The following CNTN5 variants were observed in gnomAD, a reference collection of about 807,000 sequenced individuals.
CNTN5 encodes the protein contactin 5.
A neutral mutation model predicts 129.1 loss-of-function variants in CNTN5; 77 were observed. The observed-to-expected ratio is 0.60, with a 90% CI of 0.50 to 0.72. The LOEUF (loss-of-function observed/expected upper bound fraction) is 0.72. Ranked by LOEUF, CNTN5 falls within the 30% of genes least tolerant of loss-of-function variation. The pLI is 0.00. For missense variants in CNTN5, 1,478 were observed against 1,328.8 expected, an observed-to-expected ratio of 1.11 and a Z score of -1.75; for synonymous variants, 509 against 465.6, an observed-to-expected ratio of 1.09 and a Z score of -1.20.
At chr11:100,099,681 T>G (rs1591242258) in intron 13 of CNTN5, among the ~76,000 whole-genome samples, 1 of 152,164 alleles carries the variant, frequency 6.6e-6, no homozygotes, top group Non-Finnish European at 1.5e-5. Context: ...TTTTTTCTAT[T>G]AATATCATTC....
At chr11:99,233,795 A>G (rs1861128913) in intron 1 of CNTN5, among the ~76,000 whole-genome samples, 1 of 152,004 alleles carries the variant, frequency 6.6e-6, no homozygotes. Flanking sequence ...AAATACAAAA[A>G]ATTAGTCGGG....
intron 16 of CNTN5, among the ~76,000 whole-genome samples, chr11:100,242,292 T>C (rs1949758221): frequency 6.6e-6 from 1 of 152,206 alleles, no homozygotes; most frequent in Non-Finnish European, 1.5e-5. Flanking sequence ...CCCTATCAAA[T>C]GTTGCCTACC....
At chr11:99,242,884 A>C (rs1861631628) in intron 1 of CNTN5, among the ~76,000 whole-genome samples, 2 of 152,098 alleles carry the variant, frequency 1.3e-5, no homozygotes, top group Non-Finnish European at 2.9e-5. Flanking sequence ...CCAACTTACT[A>C]TAAGTGGGCA....
At chr11:99,812,204 T>C (rs1946449016) in intron 3 of CNTN5, among the ~76,000 whole-genome samples, 2 of 152,166 alleles carry the variant, frequency 1.3e-5, no homozygotes, top group Non-Finnish European at 2.9e-5. Flanking sequence ...TCTGTAGATA[T>C]ATAGAGTCTA....
intron 3 of CNTN5, among the ~76,000 whole-genome samples, chr11:99,639,647 C>T (rs761939748): frequency 7.2e-6 from 1 of 138,210 alleles, no homozygotes; most frequent in Non-Finnish European, 1.5e-5. Flanking sequence ...TCACTGAGGC[C>T]TCTGCCTCCT....
intron 1 of CNTN5, among the ~76,000 whole-genome samples, chr11:99,058,951 A>G (rs1864751424): frequency 6.7e-6 from 1 of 148,660 alleles, no homozygotes; most frequent in Non-Finnish European, 1.5e-5. Context: ...TACATTATAT[A>G]TAGTTATAAT....
At chr11:99,930,021 T>A (rs1277999267) in intron 7 of CNTN5, among the ~76,000 whole-genome samples, 3 of 152,190 alleles carry the variant, frequency 2.0e-5, no homozygotes, top group Non-Finnish European at 4.4e-5. Context: ...AGACTTATTA[T>A]TTCCTGCTTT....
intron 16 of CNTN5, among the ~76,000 whole-genome samples, chr11:100,227,213 T>G (rs1949395399): frequency 1.3e-5 from 2 of 152,148 alleles, no homozygotes; most frequent in Non-Finnish European, 2.9e-5. Flanking sequence ...GGAAAAAATC[T>G]ATGTTCTCTT....
At chr11:99,290,132 T>C (rs1450570717) in intron 1 of CNTN5, among the ~76,000 whole-genome samples, 1 of 151,772 alleles carries the variant, frequency 6.6e-6, no homozygotes, top group Admixed American at 6.6e-5. Flanking sequence ...AAAATAAACT[T>C]AGGACCCTTA....
intron 2 of CNTN5, among the ~76,000 whole-genome samples, chr11:99,504,684 CT>C (rs1366862507): frequency 6.6e-6 from 1 of 152,106 alleles, no homozygotes; most frequent in Non-Finnish European, 1.5e-5. Flanking sequence ...CAGGAAGTTA[CT>C]GTAACATCAA....
At chr11:99,828,066 T>C (rs758128010) in intron 4 of CNTN5, among the ~76,000 whole-genome samples, 6 of 152,206 alleles carry the variant, frequency 3.9e-5, no homozygotes, top group Non-Finnish European at 5.9e-5. Flanking sequence ...ATAAGTATGA[T>C]TGTATAGCAC....
At chr11:99,580,507 A>G (rs1949539444) in intron 3 of CNTN5, among the ~76,000 whole-genome samples, 1 of 152,036 alleles carries the variant, frequency 6.6e-6, no homozygotes, top group African/African-American at 2.4e-5. Context: ...TCAATTTCAG[A>G]GCCTGCTATT....
chr11:99,739,510 T>C (rs1485819179), intron 3 of CNTN5, among the ~76,000 whole-genome samples: 1 of 152,062 alleles, frequency 6.6e-6, no homozygotes, highest in Non-Finnish European at 1.5e-5. Flanking sequence ...TATTCATCCA[T>C]TTTGAAGGAA....
At chr11:99,570,652 C>G (rs1318533757) in intron 3 of CNTN5, among the ~76,000 whole-genome samples, 1 of 152,066 alleles carries the variant, frequency 6.6e-6, no homozygotes, top group Non-Finnish European at 1.5e-5. Context: ...TAGGAGTGAA[C>G]AAGACAGGCA....
At chr11:99,279,397 C>T (rs1220175824) in intron 1 of CNTN5, among the ~76,000 whole-genome samples, 4 of 151,866 alleles carry the variant, frequency 2.6e-5, no homozygotes, top group Non-Finnish European at 5.9e-5. Flanking sequence ...TGCTATGCTG[C>T]ACTGAATTCT....
At position 100,271,322 on chromosome 11, in the gene CNTN5, C is replaced by A. The variant is rs1950404494; in HGVS notation, c.2314+81C>A. 4.1e-6 allele frequency: 4 copies of A among 972,724 alleles called. No homozygotes were observed. In the Admixed American group the frequency reaches 9.9e-5, roughly 24 times the overall value. The allele number at this position is 972,724 out of a possible 1,614,324, so 60.3% of individuals were successfully genotyped here. A position where few individuals can be genotyped will look rare whatever the true frequency, so the allele number is the denominator to read the frequency against. Reference sequence around the variant, plus strand: ...TGAGTTGAATTAACCATGATTGCTCCATTGCTTGCTTTAGCATAATTTGTC... The same window carrying A: ...TGAGTTGAATTAACCATGATTGCTCAATTGCTTGCTTTAGCATAATTTGTC... On this transcript the variant is annotated intron_variant, in intron 18 of 24. Transcript: ENST00000524871.
intron 1 of CNTN5, among the ~76,000 whole-genome samples, chr11:99,287,262 T>C (rs1236897421): frequency 6.6e-6 from 1 of 152,166 alleles, no homozygotes; most frequent in Non-Finnish European, 1.5e-5. Context: ...TTTTATTTAA[T>C]GAAGCTGAAA....
chr11:100,025,423 G>T (rs768714166), intron 9 of CNTN5, among the ~76,000 whole-genome samples: 6 of 152,204 alleles, frequency 3.9e-5, no homozygotes, highest in Non-Finnish European at 8.8e-5. Context: ...GTGCAGAAGG[G>T]AACTGTTGGG....
intron 13 of CNTN5, among the ~76,000 whole-genome samples, chr11:100,154,348 CA>C: frequency 4.1e-5 from 1 of 24,260 alleles, no homozygotes; most frequent in Non-Finnish European, 6.5e-5. Context: ...TCCAGTCTAT[CA>C]ATCATTGATG....
Sources: allele counts gnomAD v4.1 joint callset (sites outside exome capture counted in the v4.1 genomes callset), GRCh38; gene constraint gnomAD v4.1.1; transcripts MANE v1.5; gene names NCBI Gene and HGNC (gene_info 2026-07-23, HGNC 2026-07-21).